The following RARB variants were observed in gnomAD, a reference collection of about 807,000 sequenced individuals.
RARB encodes the protein retinoic acid receptor beta, also known as HBV-activated protein.
RARB carries 17 observed loss-of-function variants against 51.9 expected under a neutral mutation model. The observed-to-expected ratio is 0.33, with a 90% CI of 0.22 to 0.49. The LOEUF is 0.49. RARB is among the 20% of genes least tolerant of loss of function. The pLI is 0.99. For missense variants in RARB, 369 were observed against 550.8 expected, an observed-to-expected ratio of 0.67 and a Z score of 3.30; for synonymous variants, 215 against 195.4, an observed-to-expected ratio of 1.10 and a Z score of -0.84.
intron 2 of RARB, among the ~76,000 whole-genome samples, chr3:25,038,856 G>C (rs1254405341): frequency 6.6e-6 from 1 of 152,124 alleles, no homozygotes; most frequent in East Asian, 1.9e-4. Flanking sequence ...AAGACAAGGA[G>C]GCATAAACCT....
intron 2 of RARB, among the ~76,000 whole-genome samples, chr3:25,495,977 G>T (rs188790351): frequency 4.2e-4 from 64 of 152,282 alleles, no homozygotes; most frequent in Non-Finnish European, 2.1e-4. Flanking sequence ...AGCCAACAGA[G>T]GCCCTGACTG....
At chr3:25,073,974 G>A (rs1316164128) in intron 3 of RARB, among the ~76,000 whole-genome samples, 1 of 152,160 alleles carries the variant, frequency 6.6e-6, no homozygotes, top group Non-Finnish European at 1.5e-5. Flanking sequence ...AATAGTCTAT[G>A]CCTCAGTACA....
chr3:25,349,493 T>A (rs909630772), intron 5 of RARB, among the ~76,000 whole-genome samples: 4 of 152,168 alleles, frequency 2.6e-5, no homozygotes, highest in African/African-American at 4.8e-5. Context: ...TTGGCCCATG[T>A]AAGATGAATA....
chr3:25,147,877 C>G (rs1700219613), intron 4 of RARB, among the ~76,000 whole-genome samples: 1 of 152,206 alleles, frequency 6.6e-6, no homozygotes, highest in African/African-American at 2.4e-5. Flanking sequence ...GATTCATACC[C>G]TTTCATATTG....
chr3:25,177,202 G>A (rs1018051842), intron 5 of RARB, among the ~76,000 whole-genome samples: 3 of 152,158 alleles, frequency 2.0e-5, no homozygotes, highest in African/African-American at 7.2e-5. Context: ...CTGTTAGTTG[G>A]CCCTCAAAGA....
chr3:25,170,084 T>C (rs1467272625), intron 4 of RARB, among the ~76,000 whole-genome samples: 1 of 152,022 alleles, frequency 6.6e-6, no homozygotes, highest in African/African-American at 2.4e-5. Context: ...AGAGCTGTTA[T>C]TCTTTATCAG....
intron 2 of RARB, among the ~76,000 whole-genome samples, chr3:25,002,272 G>T (rs1361303786): frequency 6.6e-6 from 1 of 152,176 alleles, no homozygotes. Context: ...CTTCCTGTCA[G>T]CTTCAGGAGA....
rs1176616924 is a variant in RARB at position 25,428,600 on chromosome 3, T to C, written c.-132T>C. ...TCTGTCATAATTCATGATTCGGGGC[T>C]GGGAAAAAGACCAACAGCCTACGTG... On this transcript the variant is annotated 5_prime_UTR_variant, in exon 1 of 8. Transcript: ENST00000330688. 10 of 1,406,932 alleles carry C rather than the reference T, an allele frequency of 7.1e-6. No homozygotes were observed. Among genetic ancestry groups the C allele is most frequent in the Non-Finnish European group, 9.3e-6 (10 of 1,073,216 alleles). 87.2% of individuals were successfully genotyped at this position (1,406,932 alleles called of 1,614,324 possible). A position where few individuals can be genotyped will look rare whatever the true frequency, so the allele number is the denominator to read the frequency against.
chr3:24,930,791 C>T (rs1413472533), intron 2 of RARB, among the ~76,000 whole-genome samples: 2 of 151,992 alleles, frequency 1.3e-5, no homozygotes, highest in African/African-American at 4.8e-5. Context: ...GAAGGATTGC[C>T]AGAGGCCAGG....
intron 2 of RARB, among the ~76,000 whole-genome samples, chr3:24,897,104 T>G (rs1318906308): frequency 1.3e-5 from 2 of 152,290 alleles, no homozygotes; most frequent in Admixed American, 6.5e-5. Flanking sequence ...TGCTGCTAAT[T>G]AAATAAACGT....
intron 2 of RARB, among the ~76,000 whole-genome samples, chr3:25,482,415 T>C (rs1008281715): frequency 3.3e-5 from 5 of 151,962 alleles, no homozygotes; most frequent in Non-Finnish European, 7.4e-5. Context: ...ACAAAAAGTT[T>C]CAGGCATCAC....
intron 5 of RARB, among the ~76,000 whole-genome samples, chr3:25,308,213 C>G (rs967638845): frequency 4.6e-5 from 7 of 152,262 alleles, no homozygotes; most frequent in South Asian, 2.1e-4. Context: ...TCACAATAAT[C>G]TTTTTGCTAT....
intron 3 of RARB, among the ~76,000 whole-genome samples, chr3:25,503,830 T>C (rs555283190): frequency 4.6e-5 from 7 of 152,288 alleles, no homozygotes; most frequent in East Asian, 1.9e-4. Context: ...TAGATACTCA[T>C]AGAATGTTAG....
intron 3 of RARB, among the ~76,000 whole-genome samples, chr3:25,548,386 A>T (rs570707435): frequency 1.3e-5 from 2 of 152,174 alleles, no homozygotes; most frequent in South Asian, 2.1e-4. Flanking sequence ...CTAATTTTCA[A>T]TGTCATTTAA....
intron 5 of RARB, among the ~76,000 whole-genome samples, chr3:25,206,812 C>G (rs1338935597): frequency 1.3e-5 from 2 of 152,168 alleles, no homozygotes; most frequent in Admixed American, 6.5e-5. Flanking sequence ...ACCCTGACTA[C>G]TTTTTCTCAT....
rs1162991081 is a variant in RARB at position 25,211,174 on chromosome 3, G to C, written c.178+36599G>C. ...GTTGAAAATATGGTCTTGTTACCAA[G>C]GACCAAGATAGACATGTTCAAGGCA... On this transcript the variant is annotated intron_variant, in intron 5 of 11. Coordinates refer to the RARB transcript ENST00000383772. Among the ~76,000 whole-genome samples, 3 of 152,176 alleles carry C rather than the reference G, an allele frequency of 2.0e-5. No individual in the cohort carries two copies. The South Asian group carries it at 6.2e-4, about 32-fold the overall frequency.
At chr3:24,880,185 C>T (rs1025255407) in intron 2 of RARB, among the ~76,000 whole-genome samples, 4 of 151,952 alleles carry the variant, frequency 2.6e-5, no homozygotes, top group Non-Finnish European at 4.4e-5. Flanking sequence ...TGTTATACCA[C>T]CCTAAATGGC....
chr3:25,091,367 G>GCT (rs1183843628), intron 3 of RARB, among the ~76,000 whole-genome samples: 1 of 152,136 alleles, frequency 6.6e-6, no homozygotes, highest in Non-Finnish European at 1.5e-5. Flanking sequence ...GAATTCTCAA[G>GCT]CTACTGCCCT....
chr3:25,420,809 A>C (rs181339390), intron 5 of RARB, among the ~76,000 whole-genome samples: 62 of 152,148 alleles, frequency 4.1e-4, no homozygotes, highest in Admixed American at 2.7e-3. Flanking sequence ...GAGTAAATGG[A>C]GGGATGGGTG....
Sources: allele counts gnomAD v4.1 joint callset (sites outside exome capture counted in the v4.1 genomes callset), GRCh38; gene constraint gnomAD v4.1.1; transcripts MANE v1.5; gene names NCBI Gene and HGNC (gene_info 2026-07-23, HGNC 2026-07-21).